HOOK3: variants seen among roughly 807,000 people sequenced by gnomAD.
HOOK3 encodes the protein hook microtubule tethering protein 3.
A neutral mutation model predicts 116.3 loss-of-function variants in HOOK3; 24 were observed. The observed-to-expected ratio is 0.21, with a 90% CI of 0.15 to 0.29. The LOEUF (loss-of-function observed/expected upper bound fraction) is 0.29, where lower values mean the gene tolerates loss of function less well. HOOK3 is among the 10% of genes least tolerant of loss of function. The pLI is 1.00. For missense variants in HOOK3, 632 were observed against 830.2 expected, an observed-to-expected ratio of 0.76 and a Z score of 2.93; for synonymous variants, 275 against 283.0, an observed-to-expected ratio of 0.97 and a Z score of 0.28.
intron 2 of HOOK3, among the ~76,000 whole-genome samples, chr8:42,916,250 G>C (rs1223870262): frequency 2.0e-5 from 3 of 152,202 alleles, no homozygotes; most frequent in Non-Finnish European, 2.9e-5. Flanking sequence ...TTGAATAAAT[G>C]AATGTGGAAT....
At chr8:42,998,436 G>A (rs1170994093) in intron 16 of HOOK3, among the ~76,000 whole-genome samples, 3 of 152,064 alleles carry the variant, frequency 2.0e-5, no homozygotes, top group Non-Finnish European at 2.9e-5. Flanking sequence ...GTAATTTGCT[G>A]TAAACTCTGG....
intron 15 of HOOK3, among the ~76,000 whole-genome samples, chr8:42,991,657 C>T (rs1809163016): frequency 6.6e-6 from 1 of 152,160 alleles, no homozygotes; most frequent in South Asian, 2.1e-4. Context: ...CCACCTCAGC[C>T]TCCCAAAGTG....
intron 21 of HOOK3, among the ~76,000 whole-genome samples, chr8:43,017,162 T>C (rs941863389): frequency 1.3e-5 from 2 of 152,246 alleles, no homozygotes; most frequent in African/African-American, 2.4e-5. Context: ...TGCCTCTTGA[T>C]TGCTTTTTTC....
At chr8:43,013,489 C>G (rs989616774) in intron 21 of HOOK3, 89 bp downstream of exon 21, 1 of 1,069,086 alleles carries the variant, frequency 9.4e-7, no homozygotes, top group African/African-American at 1.6e-5. Context: ...GTCACTCTAC[C>G]AAATGAATCT....
rs188146832 is a variant in HOOK3, at chr8:43,020,991, A to G, written c.*2493A>G. 2.2e-3 allele frequency: 385 copies of G among 175,246 alleles called. 2 individuals are homozygous for G. Among genetic ancestry groups the G allele is most frequent in the Admixed American group, 2.6e-3 (41 of 15,560 alleles). The allele number at this position is 175,246 out of a possible 1,614,324, so 10.9% of individuals were successfully genotyped here. ...GTGGTGTGTGCCTGTAGTCCCAGCT[A>G]CTTGGGAGGGTGAGGCAGGAGAATT... On this transcript the variant is annotated 3_prime_UTR_variant, in exon 22 of 22. Coordinates refer to ENST00000307602, the MANE Select transcript of HOOK3 (RefSeq NM_032410.4).
chr8:42,968,298 T>A (rs1397163681), intron 11 of HOOK3, 84 bp downstream of exon 11: 1 of 919,582 alleles, frequency 1.1e-6, no homozygotes, highest in African/African-American at 1.7e-5. Flanking sequence ...CTAATTTGTT[T>A]TCATGGTATT....
rs561894695 is a variant in HOOK3 at position 42,975,853 on chromosome 8, G to A, written c.1321+1659G>A. Among the ~76,000 whole-genome samples the A allele has an allele frequency of 1.0e-3, 155 of 152,188 alleles. 1 individual carries two copies. Among genetic ancestry groups the A allele is most frequent in the Middle Eastern group, 3.4e-3 (1 of 294 alleles). On this transcript the variant is annotated intron_variant, in intron 13 of 21. Transcript: ENST00000307602. Reference sequence around the variant, plus strand: ...CCCTAGTAGCTGGGACTACAGGGGTGTGCCACCACGCCCGGCTAATTTTTT... The same window carrying A: ...CCCTAGTAGCTGGGACTACAGGGGTATGCCACCACGCCCGGCTAATTTTTT...
In HOOK3 at chr8:42,942,471, C is replaced by T. The variant is rs570410934; in HGVS notation, c.268-842C>T. Reference sequence around the variant, plus strand: ...TTACCTTCTTGATCACAACCTCTTTCCTCACCTCCTGTCCAGGGAAAACCA... The same window carrying T: ...TTACCTTCTTGATCACAACCTCTTTTCTCACCTCCTGTCCAGGGAAAACCA... On this transcript the variant is annotated intron_variant, in intron 4 of 21. Transcript: ENST00000307602. Among the ~76,000 whole-genome samples, 5 of 152,298 alleles carry T rather than the reference C, an allele frequency of 3.3e-5. No individual in the cohort carries two copies. The South Asian group carries it at 1.0e-3, about 32-fold the overall frequency.
At chr8:42,899,284 G>T (rs180953394) in intron 1 of HOOK3, among the ~76,000 whole-genome samples, 2 of 152,224 alleles carry the variant, frequency 1.3e-5, no homozygotes, top group Non-Finnish European at 2.9e-5. Flanking sequence ...ATTATCAGCT[G>T]TAGAGAGGTC....
intron 2 of HOOK3, among the ~76,000 whole-genome samples, chr8:42,923,855 T>C (rs1306780684): frequency 6.6e-6 from 1 of 152,180 alleles, no homozygotes; most frequent in Non-Finnish European, 1.5e-5. Flanking sequence ...GATAATGAAG[T>C]TAATATGTTA....
intron 4 of HOOK3, among the ~76,000 whole-genome samples, chr8:42,939,719 T>C (rs1336406268): frequency 6.9e-6 from 1 of 145,566 alleles, no homozygotes; most frequent in Non-Finnish European, 1.5e-5. Flanking sequence ...GCTCCTCACT[T>C]CTCAGACGGG....
At chr8:42,961,228 G>A (rs1808528768) in intron 8 of HOOK3, among the ~76,000 whole-genome samples, 1 of 152,194 alleles carries the variant, frequency 6.6e-6, no homozygotes, top group African/African-American at 2.4e-5. Flanking sequence ...ATTTGGAGGG[G>A]ATAAATATCC....
At chr8:42,974,735 C>A (rs1808788158) in intron 13 of HOOK3, among the ~76,000 whole-genome samples, 2 of 152,204 alleles carry the variant, frequency 1.3e-5, no homozygotes, top group African/African-American at 4.8e-5. Flanking sequence ...ATTAGTCACA[C>A]CTGCCTTTTT....
At position 43,027,479 on chromosome 8, in the gene HOOK3, CT is replaced by C; in HGVS notation, c.*8982del. 1 of 464,684 alleles carries C rather than the reference CT, an allele frequency of 2.2e-6. No homozygotes were observed. The highest frequency in any genetic ancestry group is 4.9e-5 in the East Asian group (1 of 20,334). The allele number at this position is 464,684 out of a possible 1,614,324, so 28.8% of individuals were successfully genotyped here. A position where few individuals can be genotyped will look rare whatever the true frequency, so the allele number is the denominator to read the frequency against. On this transcript the variant is annotated 3_prime_UTR_variant, in exon 22 of 22. Coordinates refer to ENST00000307602, the MANE Select transcript of HOOK3 (RefSeq NM_032410.4). ...AAACGTTTCTCTTCTACCTTACCCC[CT>C]GTTCTACTGACGTGCTTTGCATGAG...
chr8:42,990,325 C>CTTTTTTTTTTGTTTTTTTTT (rs1809134793), intron 15 of HOOK3, among the ~76,000 whole-genome samples: 1 of 37,882 alleles, frequency 2.6e-5, no homozygotes, highest in Non-Finnish European at 5.3e-5. Flanking sequence ...CTGTTTAGAT[C>CTTTTTTTTTTGTTTTTTTTT]TTTTTTTTTT....
chr8:42,951,020 A>C (rs374834522), intron 6 of HOOK3, among the ~76,000 whole-genome samples: 2 of 151,266 alleles, frequency 1.3e-5, no homozygotes, highest in Non-Finnish European at 2.9e-5. Flanking sequence ...CCTTAATGAA[A>C]TAGTAATAGC....
chr8:42,921,475 A>C (rs117736935), intron 2 of HOOK3, among the ~76,000 whole-genome samples: 7 of 152,288 alleles, frequency 4.6e-5, no homozygotes, highest in Non-Finnish European at 1.0e-4. Flanking sequence ...AAATCACTTC[A>C]GTTGTTTTTC....
At position 42,918,082 on chromosome 8, in the gene HOOK3, A is replaced by T. The variant is rs78519800; in HGVS notation, c.144-7475A>T. Among the ~76,000 whole-genome samples the T allele has an allele frequency of 3.5e-4, 53 of 152,354 alleles. No homozygotes were observed. In the East Asian group the frequency reaches 7.9e-3, roughly 23 times the overall value. On this transcript the variant is annotated intron_variant, in intron 2 of 21. Coordinates refer to ENST00000307602, the MANE Select transcript of HOOK3 (RefSeq NM_032410.4). ...TTGGATCCCATCTTAATTTGCTTTCATTAAGAAAATTACATTGGGCCGAGG... is the reference window on the plus strand; with the variant it reads ...TTGGATCCCATCTTAATTTGCTTTCTTTAAGAAAATTACATTGGGCCGAGG...
chr8:42,934,904 C>A (rs1425877033), intron 4 of HOOK3, among the ~76,000 whole-genome samples: 1 of 152,148 alleles, frequency 6.6e-6, no homozygotes, highest in African/African-American at 2.4e-5. Flanking sequence ...TGGGTATATA[C>A]CCAGTAATGG....
Sources: gnomAD v4.1 joint callset for allele counts (sites outside exome capture counted in the v4.1 genomes callset) on GRCh38, gnomAD v4.1.1 for gene constraint, MANE v1.5 for transcripts, NCBI Gene and HGNC (gene_info 2026-07-23, HGNC 2026-07-21) for gene names.